Variants in ZNF37A observed in about 807,000 individuals in gnomAD.
ZNF37A encodes zinc finger protein 37A.
Under a neutral mutation model 12.3 loss-of-function variants are expected in ZNF37A, and 10 were observed. That is an observed-to-expected ratio of 0.82 (90% confidence interval 0.50 to 1.38). The LOEUF is 1.38. Ranked by LOEUF, ZNF37A falls within the 40% of genes most tolerant of loss-of-function variation. The pLI is 0.00. For synonymous variants in ZNF37A, 207 were observed against 223.0 expected, an observed-to-expected ratio of 0.93 and a Z score of 0.64; for missense variants, 580 against 651.2, an observed-to-expected ratio of 0.89 and a Z score of 1.19.
At chr10:38,129,324 T>TAAAAAAAAAAAAAAAAAAAAA (rs1202965903), downstream of ZNF37A, among the ~76,000 whole-genome samples, 5 of 65,064 alleles carry the variant, frequency 7.7e-5, no homozygotes, top group South Asian at 3.3e-4. Context: ...AAAAAAAAAC[T>TAAAAAAAAAAAAAAAAAAAAA]ATTATTTTTT....
At chr10:38,140,048 A>G (rs1420755178) in intron 7 of ZNF37A, 14 of 152,218 alleles carry the variant, frequency 9.2e-5, no homozygotes, top group Non-Finnish European at 1.6e-4. Context: ...GCGTGGTCCT[A>G]TAAGTTTGCT....
At position 38,122,193 on chromosome 10, in the gene ZNF37A, G is replaced by C. The variant is rs1444316623; in HGVS notation, c.*3356G>C. On this transcript the variant is annotated 3_prime_UTR_variant, in exon 8 of 8. Transcript: ENST00000685332. ...ATTGAGGCTGCACTGAGCTGTGATC[G>C]TGCCACTGTACTCTAGCCTGGAAGA... 1.3e-5 allele frequency: 2 copies of C among 151,898 alleles called. No individual in the cohort carries two copies. Among genetic ancestry groups the C allele is most frequent in the African/African-American group, 2.4e-5 (1 of 41,296 alleles). 9.4% of individuals were successfully genotyped at this position (151,898 alleles called of 1,614,324 possible). A position where few individuals can be genotyped will look rare whatever the true frequency, so the allele number is the denominator to read the frequency against.
Position 38,117,774 on chromosome 10 carries a change from A to G in ZNF37A, c.623A>G (p.Asn208Ser), listed in dbSNP as rs1444732951. 1.2e-6 allele frequency: 2 copies of G among 1,613,882 alleles called. No homozygotes were observed. Among genetic ancestry groups the G allele is most frequent in the African/African-American group, 1.3e-5 (1 of 74,920 alleles). Residue 208 changes from asparagine (N) to serine (S), a missense_variant, in exon 8 of 8, where the codon AAT becomes AGT. Physicochemically the swap from Asn to Ser is conservative, Grantham distance 46 (BLOSUM62 1). Transcript: ENST00000685332. The part of the protein sequence containing the change: ...ENHYGNECGE[N>S]IFEESILLEH... ...CACTATGGTAATGAATGTGGAGAAA[A>G]TATCTTTGAGGAATCCATTCTCCTT... is the stretch of plus-strand genomic sequence containing the variant.
chr10:38,095,272 G>A (rs1452453045), intron 2 of ZNF37A, 48 bp downstream of exon 2: 1 of 152,406 alleles, frequency 6.6e-6, no homozygotes, highest in East Asian at 1.9e-4. Context: ...CCTCCTAGGA[G>A]GACACCCAAC....
At chr10:38,111,598 A>G (rs1248011747) in intron 5 of ZNF37A, among the ~76,000 whole-genome samples, 1 of 152,218 alleles carries the variant, frequency 6.6e-6, no homozygotes, top group Admixed American at 6.5e-5. Context: ...CCACTCTGCC[A>G]GTCTCCCATT....
rs1246615292 is a variant in ZNF37A, at chr10:38,120,364, G to C, written c.*1527G>C. On this transcript the variant is annotated 3_prime_UTR_variant, in exon 8 of 8. Transcript: ENST00000685332. Reference sequence around the variant, plus strand: ...GGATCACTTGAACCTGGGAGGTGGGGGTTTCAGTGAGCTGAGATCATGCCA... The same window carrying C: ...GGATCACTTGAACCTGGGAGGTGGGCGTTTCAGTGAGCTGAGATCATGCCA... 4 of 152,100 alleles carry C rather than the reference G, an allele frequency of 2.6e-5. No homozygotes were observed. Among genetic ancestry groups the C allele is most frequent in the African/African-American group, 9.7e-5 (4 of 41,374 alleles). 9.4% of individuals were successfully genotyped at this position (152,100 alleles called of 1,614,324 possible). A position where few individuals can be genotyped will look rare whatever the true frequency, so the allele number is the denominator to read the frequency against.
chr10:38,138,789 A>T (rs1264112993), intron 7 of ZNF37A: 2 of 152,184 alleles, frequency 1.3e-5, no homozygotes, highest in Non-Finnish European at 2.9e-5. Context: ...GAGTCTTGTC[A>T]TTAAATTTGC....
exon 8 of ZNF37A, chr10:38,147,863 G>A (rs2070274353): frequency 6.6e-6 from 1 of 152,166 alleles, no homozygotes; most frequent in Non-Finnish European, 1.5e-5. Context: ...AGGACAATAG[G>A]CCTTTCTCTC....
Position 38,096,640 on chromosome 10 carries a change from G to A in ZNF37A, c.15+8G>A. 2 of 1,612,006 alleles carry A rather than the reference G, an allele frequency of 1.2e-6. No individual in the cohort carries two copies. Among genetic ancestry groups the A allele is most frequent in the Non-Finnish European group, 1.7e-6 (2 of 1,179,166 alleles). ...AAGATGATCACATCCCAGGTAAGTT[G>A]TTTATTTTTTCACCGTTTTGCTTAA... On this transcript the variant is annotated splice_region_variant and intron_variant, in intron 5 of 7. Coordinates refer to ENST00000685332, the MANE Select transcript of ZNF37A (RefSeq NM_001324250.3).
rs2069855470 is a variant in ZNF37A, at chr10:38,123,886, G to A, written c.*5049G>A. The A allele has an allele frequency of 6.6e-6, 1 of 152,146 alleles. No homozygotes were observed. The highest frequency in any genetic ancestry group is 2.1e-4 in the South Asian group (1 of 4,828). The allele number at this position is 152,146 out of a possible 1,614,324, so 9.4% of individuals were successfully genotyped here. A position where few individuals can be genotyped will look rare whatever the true frequency, so the allele number is the denominator to read the frequency against. ...GAAAAGGGAAACCTCGTGCACTGTG[G>A]AAATGTTATTAGTACAACCACTATG... On this transcript the variant is annotated 3_prime_UTR_variant, in exon 8 of 8. Transcript: ENST00000685332.
chr10:38,127,453 G>T (rs1374163480), downstream of ZNF37A, among the ~76,000 whole-genome samples: 1 of 152,186 alleles, frequency 6.6e-6, no homozygotes, highest in South Asian at 2.1e-4. Flanking sequence ...TATATAATGT[G>T]TGTGATACTT....
In ZNF37A at chr10:38,136,549, C is replaced by T. The variant is rs529483169; in HGVS notation, c.239-10183C>T. ...AATATCACTGATGGTTTGTTGTATGCGATGAGTCACTTCACTTTTGTTGCT... is the reference window on the plus strand; with the variant it reads ...AATATCACTGATGGTTTGTTGTATGTGATGAGTCACTTCACTTTTGTTGCT... On this transcript the variant is annotated intron_variant, in intron 7 of 7. Transcript: ENST00000638053. 9.9e-5 allele frequency among the ~76,000 whole-genome samples: 15 copies of T among 152,254 alleles called. No homozygotes were observed. In the East Asian group the frequency reaches 1.7e-3, roughly 18 times the overall value.
chr10:38,149,299 T>A (rs1441380465), exon 8 of ZNF37A: 1 of 152,158 alleles, frequency 6.6e-6, no homozygotes, highest in Non-Finnish European at 1.5e-5. Context: ...TCTATTGGGA[T>A]TTTAAAGGAT....
At chr10:38,147,136 GC>G (rs2070265259) in exon 8 of ZNF37A, 1 of 168,564 alleles carries the variant, frequency 5.9e-6, no homozygotes, top group Non-Finnish European at 1.3e-5. Flanking sequence ...GGTGTTCCTT[GC>G]CCTGCTCCAG....
intron 7 of ZNF37A, among the ~76,000 whole-genome samples, chr10:38,132,539 G>A (rs1424744491): frequency 2.0e-5 from 3 of 151,952 alleles, no homozygotes; most frequent in Non-Finnish European, 4.4e-5. Context: ...ATCTATAATT[G>A]TAAGAATTTT....
In ZNF37A at chr10:38,117,930, T is replaced by C. The variant is rs2069409248; in HGVS notation, c.779T>C (p.Leu260Ser). Residue 260 changes from leucine to serine, a missense_variant, in exon 8 of 8, where the codon TTA becomes TCA. Physicochemically the swap from Leu to Ser is moderately radical, Grantham distance 145. Transcript: ENST00000685332. The stretch of plus-strand genomic sequence containing the variant: ...TTCAGTGAAAAATTAGTCCTTCATT[T>C]ACAACAGAGAACACATACAGGAGAA... ...TFFSEKLVLHLQQRTHTGEKP... is the reference protein window; with the variant it reads ...TFFSEKLVLHSQQRTHTGEKP... 1 of 1,613,834 alleles carries C rather than the reference T, an allele frequency of 6.2e-7. No homozygotes were observed. The highest frequency in any genetic ancestry group is 1.7e-5 in the Admixed American group (1 of 59,960).
At chr10:38,129,988 T>G (rs1008140845), downstream of ZNF37A, among the ~76,000 whole-genome samples, 4 of 152,164 alleles carry the variant, frequency 2.6e-5, no homozygotes, top group Non-Finnish European at 5.9e-5. Context: ...TACCTAAAAT[T>G]TTTTCACTTT....
intron 4 of ZNF37A, among the ~76,000 whole-genome samples, 175 bp downstream of exon 4, chr10:38,095,979 G>A (rs1306653186): frequency 6.6e-6 from 1 of 152,056 alleles, no homozygotes; most frequent in Admixed American, 6.6e-5. Flanking sequence ...GAGGTCAGGA[G>A]TTCGAGACCA....
chr10:38,140,912 A>C (rs1301791947), intron 7 of ZNF37A: 1 of 152,230 alleles, frequency 6.6e-6, no homozygotes, highest in African/African-American at 2.4e-5. Flanking sequence ...ATGCAAATAC[A>C]TTGTTAATTA....
Sources: allele counts gnomAD v4.1 joint callset (sites outside exome capture counted in the v4.1 genomes callset), GRCh38; gene constraint gnomAD v4.1.1; transcripts MANE v1.5; gene names NCBI Gene and HGNC (gene_info 2026-07-23, HGNC 2026-07-21).